CHRNB3: variants seen among roughly 807,000 people sequenced by gnomAD.
The protein encoded by CHRNB3 is cholinergic receptor nicotinic beta 3 subunit, also known as neuronal acetylcholine receptor subunit beta-3.
Under a neutral mutation model 40.6 loss-of-function variants are expected in CHRNB3, and 37 were observed. The observed-to-expected ratio is 0.91, with a 90% CI of 0.70 to 1.20. The LOEUF is 1.20. Ranked by LOEUF, CHRNB3 falls within the 50% of genes most tolerant of loss-of-function variation. The probability of loss-of-function intolerance (pLI) is 0.00; values close to 1 mark genes in which losing one functional copy is unlikely to be tolerated. For missense variants in CHRNB3, 505 were observed against 551.2 expected, an observed-to-expected ratio of 0.92 and a Z score of 0.84; for synonymous variants, 207 against 207.1, an observed-to-expected ratio of 1.00 and a Z score of 0.00.
intron 3 of CHRNB3, among the ~76,000 whole-genome samples, chr8:42,726,797 G>A (rs564304767): frequency 6.6e-6 from 1 of 152,166 alleles, no homozygotes; most frequent in South Asian, 2.1e-4. Context: ...GCCTATTTAG[G>A]TATAAATCTA....
intron 5 of CHRNB3, among the ~76,000 whole-genome samples, chr8:42,735,582 C>T (rs1453345699): frequency 6.6e-6 from 1 of 151,894 alleles, no homozygotes; most frequent in Non-Finnish European, 1.5e-5. Flanking sequence ...ACAAAGATTT[C>T]TTTTTTTTCC....
chr8:42,723,124 TTAGA>T (rs1816249739), intron 3 of CHRNB3, among the ~76,000 whole-genome samples: 1 of 151,024 alleles, frequency 6.6e-6, no homozygotes. Flanking sequence ...ATCCTATTAC[TTAGA>T]TATTTACTAA....
chr8:42,733,858 G>C (rs190743120), intron 5 of CHRNB3, among the ~76,000 whole-genome samples: 1 of 151,502 alleles, frequency 6.6e-6, no homozygotes. Flanking sequence ...GCCTCCCAAA[G>C]TGCTGGGATT....
chr8:42,702,761 C>CA (rs529673569), intron 1 of CHRNB3, among the ~76,000 whole-genome samples: 3 of 151,252 alleles, frequency 2.0e-5, no homozygotes, highest in Admixed American at 6.6e-5. Flanking sequence ...GACTCTGTCT[C>CA]AAAAAAAATA....
intron 3 of CHRNB3, 88 bp from the exon 4 acceptor site, chr8:42,730,506 C>G: frequency 1.3e-6 from 1 of 787,474 alleles, no homozygotes. Context: ...AAAACAGTGG[C>G]TTGGTAAAGC....
intron 3 of CHRNB3, chr8:42,725,911 A>G (rs924264067): frequency 7.0e-6 from 6 of 859,304 alleles, no homozygotes; most frequent in Admixed American, 3.4e-5. Flanking sequence ...AAGTCTCGCA[A>G]TGGTTCTCTG....
intron 4 of CHRNB3, among the ~76,000 whole-genome samples, chr8:42,731,238 G>A (rs1816412550): frequency 6.6e-6 from 1 of 152,012 alleles, no homozygotes; most frequent in Non-Finnish European, 1.5e-5. Flanking sequence ...TATTAAAACA[G>A]TTACCTGGCG....
rs758514542 is a variant in CHRNB3 at position 42,730,691 on chromosome 8, T to C, written c.347T>C (p.Val116Ala). The part of the protein sequence containing the change: ...PSESLWLPDI[V>A]LFENADGRFE... Reference sequence around the variant, plus strand: ...GAATCTCTGTGGCTTCCTGACATAGTTCTCTTTGAAAAGTAAGTATCACAT... The same window carrying C: ...GAATCTCTGTGGCTTCCTGACATAGCTCTCTTTGAAAAGTAAGTATCACAT... The change falls in exon 4 of 6, where the codon GTT becomes GCT. Residue 116 changes from valine (V) to alanine (A), a missense_variant. Physicochemically the swap from Val to Ala is moderately conservative, Grantham distance 64 (BLOSUM62 0). Transcript: ENST00000289957. 3.8e-5 allele frequency: 61 copies of C among 1,591,196 alleles called. No individual in the cohort carries two copies. Among genetic ancestry groups the C allele is most frequent in the Non-Finnish European group, 5.2e-5 (61 of 1,163,130 alleles).
intron 3 of CHRNB3, among the ~76,000 whole-genome samples, chr8:42,717,403 A>AGC (rs543019760): frequency 2.0e-5 from 1 of 50,906 alleles, no homozygotes; most frequent in Non-Finnish European, 3.7e-5. Context: ...AAAAAAAAAA[A>AGC]AAGCCGACCT....
chr8:42,720,161 T>C (rs1318785500), intron 3 of CHRNB3, among the ~76,000 whole-genome samples: 1 of 141,270 alleles, frequency 7.1e-6, no homozygotes, highest in Non-Finnish European at 1.5e-5. Flanking sequence ...GGAGTCTTGC[T>C]CTGTCACCAG....
chr8:42,699,836 G>T (rs1401825663), intron 1 of CHRNB3, among the ~76,000 whole-genome samples: 1 of 150,916 alleles, frequency 6.6e-6, no homozygotes, highest in Non-Finnish European at 1.5e-5. Flanking sequence ...TCACCATGAG[G>T]GCTAGCTCCA....
At position 42,721,680 on chromosome 8, in the gene CHRNB3, A is replaced by T. The variant is rs916887413; in HGVS notation, c.250-8914A>T. On this transcript the variant is annotated intron_variant, in intron 3 of 5. Transcript: ENST00000289957. ...CAGAGATGCAGTGAGCCGAGATCAC[A>T]CTACTGCACCCCAGCCTGGACAAAA... The T allele has an allele frequency of 7.2e-5, 11 of 152,342 alleles. 1 individual carries two copies. Among genetic ancestry groups the T allele is most frequent in the African/African-American group, 2.7e-4 (11 of 41,380 alleles). 9.4% of individuals were successfully genotyped at this position (152,342 alleles called of 1,614,324 possible).
chr8:42,730,711 T>A lies in CHRNB3; in HGVS notation c.359+8T>A, dbSNP rs1297679858. The A allele has an allele frequency of 1.3e-6, 2 of 1,510,452 alleles. No individual in the cohort carries two copies. The highest frequency in any genetic ancestry group is 4.5e-5 in the East Asian group (2 of 44,212). 93.6% of individuals were successfully genotyped at this position (1,510,452 alleles called of 1,614,324 possible). A position where few individuals can be genotyped will look rare whatever the true frequency, so the allele number is the denominator to read the frequency against. On this transcript the variant is annotated splice_region_variant and intron_variant, in intron 4 of 5. Transcript: ENST00000289957. ...CATAGTTCTCTTTGAAAAGTAAGTA[T>A]CACATTGTTTCTTACTTATGGGGAA...
intron 3 of CHRNB3, among the ~76,000 whole-genome samples, chr8:42,711,353 T>C (rs1006294015): frequency 5.3e-5 from 8 of 151,906 alleles, no homozygotes; most frequent in African/African-American, 1.9e-4. Flanking sequence ...CTTGTGTTTT[T>C]ATTTTACCAG....
chr8:42,735,310 G>T (rs909601683), intron 5 of CHRNB3, among the ~76,000 whole-genome samples: 4 of 152,282 alleles, frequency 2.6e-5, no homozygotes, highest in Non-Finnish European at 5.9e-5. Context: ...GGCCGAGGCG[G>T]GTGGATCACC....
chr8:42,721,306 T>G (rs1816214181), intron 3 of CHRNB3, among the ~76,000 whole-genome samples: 2 of 152,202 alleles, frequency 1.3e-5, no homozygotes, highest in South Asian at 2.1e-4. Flanking sequence ...GCTGGGCCCC[T>G]GCTATATTCC....
intron 3 of CHRNB3, among the ~76,000 whole-genome samples, chr8:42,710,935 G>A (rs1018822851): frequency 6.6e-6 from 1 of 152,224 alleles, no homozygotes; most frequent in Non-Finnish European, 1.5e-5. Flanking sequence ...TCAGAACAGA[G>A]TGAAGCCCAA....
At position 42,727,356 on chromosome 8, in the gene CHRNB3, G is replaced by C. The variant is rs1300573238; in HGVS notation, c.250-3238G>C. Among the ~76,000 whole-genome samples, 6 of 139,470 alleles carry C rather than the reference G, an allele frequency of 4.3e-5. No individual in the cohort carries two copies. In the East Asian group the frequency reaches 1.1e-3, roughly 24 times the overall value. The allele number at this position is 139,470 out of a possible 152,430, so 91.5% of individuals were successfully genotyped here. On this transcript the variant is annotated intron_variant, in intron 3 of 5. Coordinates refer to ENST00000289957, the MANE Select transcript of CHRNB3 (RefSeq NM_000749.5). The stretch of plus-strand genomic sequence containing the variant: ...CCACTGCACTCCAGCCTGGGCGATA[G>C]AGTGAGACTCTGTCTCGAAAAAAAA...
intron 1 of CHRNB3, among the ~76,000 whole-genome samples, chr8:42,706,768 A>C (rs968144933): frequency 6.6e-6 from 1 of 152,006 alleles, no homozygotes; most frequent in African/African-American, 2.4e-5. Flanking sequence ...TTATTAAAAA[A>C]AATTTTTTTT....
Sources: gnomAD v4.1 joint callset for allele counts (sites outside exome capture counted in the v4.1 genomes callset) on GRCh38, gnomAD v4.1.1 for gene constraint, MANE v1.5 for transcripts, NCBI Gene and HGNC (gene_info 2026-07-23, HGNC 2026-07-21) for gene names.